Variants in UGT1A9 observed in about 807,000 individuals in gnomAD.
UGT1A9 encodes UDP-glucuronosyltransferase 1A9.
A neutral mutation model predicts 45.0 loss-of-function variants in UGT1A9; 35 were observed. The observed-to-expected ratio is 0.78, with a 90% confidence interval of 0.59 to 1.03. UGT1A9 has a LOEUF of 1.03. UGT1A9 is among the 50% of genes least tolerant of loss of function. The pLI is 0.00. For missense variants in UGT1A9, 687 were observed against 666.6 expected, an observed-to-expected ratio of 1.03 and a Z score of -0.34; for synonymous variants, 278 against 250.6, an observed-to-expected ratio of 1.11 and a Z score of -1.03.
intron 4 of UGT1A9, chr2:233,770,675 A>T (rs1188149827): frequency 6.6e-6 from 1 of 151,870 alleles, no homozygotes; most frequent in African/African-American, 2.4e-5. Flanking sequence ...AAAAAAAAAA[A>T]GAAGGTTCCA....
intron 1 of UGT1A9, chr2:233,754,496 G>T: frequency 2.8e-6 from 1 of 356,968 alleles, no homozygotes; most frequent in South Asian, 2.1e-5. Flanking sequence ...CCTAAAAAAA[G>T]TCCGCTATTC....
intron 1 of UGT1A9, among the ~76,000 whole-genome samples, chr2:233,717,530 G>A (rs1276644259): frequency 6.6e-6 from 1 of 152,220 alleles, no homozygotes; most frequent in African/African-American, 2.4e-5. Flanking sequence ...CCTCCATAAG[G>A]GAAGCCTCAG....
chr2:233,771,905 G>A (rs1048759513), intron 4 of UGT1A9, among the ~76,000 whole-genome samples: 1 of 151,250 alleles, frequency 6.6e-6, no homozygotes, highest in Non-Finnish European at 1.5e-5. Flanking sequence ...CCTTTCAGGT[G>A]ATAATAGTAA....
intron 1 of UGT1A9, among the ~76,000 whole-genome samples, chr2:233,697,886 A>G (rs2075415828): frequency 6.6e-6 from 1 of 152,190 alleles, no homozygotes; most frequent in Non-Finnish European, 1.5e-5. Flanking sequence ...CTTACCATTG[A>G]TTGAATCAAA....
At chr2:233,763,737 C>T (rs1348809742) in intron 1 of UGT1A9, among the ~76,000 whole-genome samples, 2 of 152,090 alleles carry the variant, frequency 1.3e-5, no homozygotes, top group East Asian at 1.9e-4. Context: ...CTGGCATTGG[C>T]GTGTCTTTGG....
intron 1 of UGT1A9, among the ~76,000 whole-genome samples, chr2:233,726,981 T>C (rs2077575489): frequency 6.6e-6 from 1 of 152,240 alleles, no homozygotes; most frequent in African/African-American, 2.4e-5. Context: ...TAGATTTTGA[T>C]GAGGTTCTTT....
chr2:233,701,273 T>A (rs1241801591), intron 1 of UGT1A9, among the ~76,000 whole-genome samples: 2 of 152,178 alleles, frequency 1.3e-5, no homozygotes, highest in African/African-American at 4.8e-5. Context: ...TTTCTAGTTC[T>A]AGATCCTTGA....
In UGT1A9 at chr2:233,672,100, G is replaced by T. The variant is rs919094064; in HGVS notation, c.166G>T (p.Val56Phe). The T allele has an allele frequency of 3.7e-6, 6 of 1,614,072 alleles. No homozygotes were observed. In the African/African-American group the frequency reaches 5.3e-5, roughly 14 times the overall value. Residue 56 changes from valine to phenylalanine, a missense_variant, in exon 1 of 5, where the codon GTT becomes TTT. Transcript: ENST00000354728. ...ACTCATTCTCAGGGGGCATGAGGTG[G>T]TTGTAGTCATGCCAGAGGTGAGTTG... is the stretch of plus-strand genomic sequence containing the variant. ...EKLILRGHEV[V>F]VVMPEVSWQL... is the part of the protein sequence containing the mutation.
chr2:233,763,255 TTTGTC>T (rs2126002913), intron 1 of UGT1A9, among the ~76,000 whole-genome samples: 2 of 152,364 alleles, frequency 1.3e-5, no homozygotes, highest in Non-Finnish European at 2.9e-5. Context: ...AGTAACCTGT[TTTGTC>T]TTGTTGCATG....
chr2:233,684,090 G>A (rs572506430), intron 1 of UGT1A9, among the ~76,000 whole-genome samples: 9 of 152,276 alleles, frequency 5.9e-5, no homozygotes, highest in African/African-American at 2.2e-4. Flanking sequence ...TAGGGATGGA[G>A]TATACATTTT....
chr2:233,732,188 TA>T lies in UGT1A9; in HGVS notation c.856-34845del, dbSNP rs994200311. Among the ~76,000 whole-genome samples the T allele has an allele frequency of 9.1e-4, 138 of 152,390 alleles. 1 individual carries two copies. The highest frequency in any genetic ancestry group is 3.2e-3 in the African/African-American group (134 of 41,598). ...TGAGTTCTTTGTAGATTCTGGATATTAGCCCTTTGTCAGATGGGTAGATTGC... is the reference window on the plus strand; with the variant it reads ...TGAGTTCTTTGTAGATTCTGGATATTGCCCTTTGTCAGATGGGTAGATTGC... On this transcript the variant is annotated intron_variant, in intron 1 of 4. Transcript: ENST00000354728.
chr2:233,676,510 T>C (rs2074363792), intron 1 of UGT1A9, among the ~76,000 whole-genome samples: 1 of 152,208 alleles, frequency 6.6e-6, no homozygotes, highest in South Asian at 2.1e-4. Flanking sequence ...CTAAAGTCTG[T>C]TTCCTTCAGA....
intron 1 of UGT1A9, chr2:233,747,297 T>C: frequency 6.2e-7 from 1 of 1,601,102 alleles, no homozygotes; most frequent in Admixed American, 1.7e-5. Context: ...GGGCTGAGAG[T>C]GGGAAGGTGC....
chr2:233,724,302 T>C (rs1575551867), intron 1 of UGT1A9, among the ~76,000 whole-genome samples: 2 of 123,390 alleles, frequency 1.6e-5, no homozygotes, highest in Admixed American at 8.1e-5. Flanking sequence ...CCCCCCCACC[T>C]CCCTCCCGGA....
chr2:233,748,071 C>G (rs1693854159), intron 1 of UGT1A9: 1 of 1,613,254 alleles, frequency 6.2e-7, no homozygotes, highest in Non-Finnish European at 8.5e-7. Flanking sequence ...CAGGAAGCCA[C>G]TATCTCAGGT....
intron 1 of UGT1A9, among the ~76,000 whole-genome samples, chr2:233,694,084 TAGG>T (rs751212149): frequency 1.3e-5 from 2 of 151,696 alleles, no homozygotes; most frequent in Non-Finnish European, 2.9e-5. Flanking sequence ...TTGGCAAGAG[TAGG>T]AGATTTGCTT....
intron 1 of UGT1A9, among the ~76,000 whole-genome samples, chr2:233,757,257 G>C (rs1486497078): frequency 6.8e-6 from 1 of 147,916 alleles, no homozygotes; most frequent in Non-Finnish European, 1.5e-5. Flanking sequence ...GGTTATTCAG[G>C]TGGCAGCCGA....
At chr2:233,698,950 A>G (rs1271213424) in intron 1 of UGT1A9, among the ~76,000 whole-genome samples, 2 of 152,224 alleles carry the variant, frequency 1.3e-5, no homozygotes, top group Non-Finnish European at 2.9e-5. Context: ...TTTCTGTCCA[A>G]GCTGGCCCTT....
chr2:233,708,438 T>C (rs1435886261), intron 1 of UGT1A9: 1 of 152,216 alleles, frequency 6.6e-6, no homozygotes, highest in African/African-American at 2.4e-5. Context: ...AACTGGTATT[T>C]ACCTTCTGCA....
Sources: gnomAD v4.1 joint callset for allele counts (sites outside exome capture counted in the v4.1 genomes callset) on GRCh38, gnomAD v4.1.1 for gene constraint, MANE v1.5 for transcripts, NCBI Gene and HGNC (gene_info 2026-07-23, HGNC 2026-07-21) for gene names.